The following MAGI1 variants were observed in gnomAD, a reference collection of about 807,000 sequenced individuals.
MAGI1 encodes membrane-associated guanylate kinase, WW and PDZ domain-containing protein 1.
A neutral mutation model predicts 139.9 loss-of-function variants in MAGI1; 58 were observed. The observed-to-expected ratio is 0.41, with a 90% CI of 0.34 to 0.52. The LOEUF is 0.52. Ranked by LOEUF, MAGI1 falls within the 20% of genes least tolerant of loss-of-function variation. The pLI is 0.12. For missense variants in MAGI1, 1,874 were observed against 1,901.6 expected (o/e 0.99, Z 0.27); for synonymous variants, 812 against 737.9 (o/e 1.10, Z -1.63).
At chr3:65,359,809 G>T in intron 22 of MAGI1, 1 of 985,648 alleles carries the variant, frequency 1.0e-6, no homozygotes, top group Middle Eastern at 5.2e-4. Context: ...TTCATCCTCA[G>T]TGCAACAGAC....
At chr3:66,033,386 C>T (rs1054655022) in intron 1 of MAGI1, among the ~76,000 whole-genome samples, 4 of 152,110 alleles carry the variant, frequency 2.6e-5, no homozygotes, top group Non-Finnish European at 4.4e-5. Flanking sequence ...AGCAAGTATA[C>T]GCGTCTCTTC....
chr3:65,723,320 C>A (rs1362129571), intron 1 of MAGI1, among the ~76,000 whole-genome samples: 1 of 152,134 alleles, frequency 6.6e-6, no homozygotes, highest in Non-Finnish European at 1.5e-5. Context: ...AAGAAAAGAG[C>A]TACATCACCA....
intron 1 of MAGI1, among the ~76,000 whole-genome samples, chr3:65,988,681 C>T (rs563211787): frequency 1.3e-3 from 199 of 152,216 alleles, no homozygotes; most frequent in African/African-American, 4.6e-3. Flanking sequence ...TAAGATGAGC[C>T]CAGCTGTCTC....
chr3:65,568,618 C>T (rs1461501178), intron 2 of MAGI1, among the ~76,000 whole-genome samples: 1 of 152,206 alleles, frequency 6.6e-6, no homozygotes, highest in Admixed American at 6.5e-5. Context: ...ATTCGTTCTA[C>T]ACCTGTTTAG....
At chr3:65,916,882 G>A (rs2061933869) in intron 1 of MAGI1, among the ~76,000 whole-genome samples, 1 of 152,074 alleles carries the variant, frequency 6.6e-6, no homozygotes, top group Admixed American at 6.6e-5. Context: ...AGTTGTCAGG[G>A]ATAAGTTCTA....
At chr3:65,618,298 T>C (rs941315980) in intron 2 of MAGI1, among the ~76,000 whole-genome samples, 6 of 152,110 alleles carry the variant, frequency 3.9e-5, no homozygotes, top group African/African-American at 1.4e-4. Context: ...TAGGCATGTT[T>C]ACAAGCATTG....
At chr3:65,861,568 A>C (rs1357251219) in intron 1 of MAGI1, among the ~76,000 whole-genome samples, 1 of 152,222 alleles carries the variant, frequency 6.6e-6, no homozygotes, top group Non-Finnish European at 1.5e-5. Context: ...AGAAGAGATT[A>C]TTATAAATAA....
intron 2 of MAGI1, among the ~76,000 whole-genome samples, chr3:65,549,892 C>A (rs545223948): frequency 6.6e-5 from 10 of 152,210 alleles, no homozygotes; most frequent in African/African-American, 2.4e-4. Flanking sequence ...CTGAACCTTT[C>A]ATTATCATCA....
chr3:65,945,710 T>C (rs143772054), intron 1 of MAGI1, among the ~76,000 whole-genome samples: 196 of 152,348 alleles, frequency 1.3e-3, no homozygotes, highest in Non-Finnish European at 2.4e-3. Flanking sequence ...GTATGTCATT[T>C]CTCTTTTCTT....
At chr3:66,031,688 T>TA (rs879848963) in intron 1 of MAGI1, among the ~76,000 whole-genome samples, 22 of 140,736 alleles carry the variant, frequency 1.6e-4, no homozygotes, top group South Asian at 2.3e-4. Context: ...AAGTTTAAGT[T>TA]AAAAAAAAAA....
At chr3:65,748,517 G>T (rs2035882660) in intron 1 of MAGI1, among the ~76,000 whole-genome samples, 1 of 152,184 alleles carries the variant, frequency 6.6e-6, no homozygotes, top group South Asian at 2.1e-4. Context: ...TCTATTCAAA[G>T]GATAAGAATT....
chr3:65,362,882 C>T (rs1022221930), intron 21 of MAGI1, among the ~76,000 whole-genome samples: 10 of 152,166 alleles, frequency 6.6e-5, no homozygotes, highest in Admixed American at 3.9e-4. Context: ...CAGATATTAG[C>T]GAAACAGAGC....
In MAGI1 at chr3:65,654,414, G is replaced by A. The variant is rs370254268; in HGVS notation, c.314-32326C>T. 7.2e-5 allele frequency among the ~76,000 whole-genome samples: 11 copies of A among 152,272 alleles called. No individual in the cohort carries two copies. In the South Asian group the frequency reaches 1.7e-3, roughly 23 times the overall value. On this transcript the variant is annotated intron_variant, in intron 1 of 22. Transcript: ENST00000402939. The stretch of plus-strand genomic sequence containing the variant: ...AGTTGAATATTAGTGCCTGTGTGCC[G>A]TTTTGTGGAATGGTGACCTATCATG...
At chr3:65,687,411 G>T in intron 1 of MAGI1, 1 of 358,446 alleles carries the variant, frequency 2.8e-6, no homozygotes, top group Admixed American at 3.4e-5. Flanking sequence ...TTCTATTTGT[G>T]TGAAATGGCC....
intron 2 of MAGI1, among the ~76,000 whole-genome samples, chr3:65,540,298 C>A (rs1344714920): frequency 1.3e-5 from 2 of 152,212 alleles, no homozygotes; most frequent in East Asian, 3.9e-4. Flanking sequence ...CCTTTATTCT[C>A]TATCCCCCTC....
chr3:65,996,113 T>A (rs115564916), intron 1 of MAGI1, among the ~76,000 whole-genome samples: 1,759 of 152,288 alleles, frequency 0.012, 33 homozygotes, highest in African/African-American at 0.035. Context: ...GACCCACCAT[T>A]CATTAGTTAG....
intron 2 of MAGI1, among the ~76,000 whole-genome samples, chr3:65,530,333 C>T (rs531490895): frequency 6.6e-6 from 1 of 152,016 alleles, no homozygotes; most frequent in Non-Finnish European, 1.5e-5. Context: ...ACAAACTCCT[C>T]CAGAACCATA....
chr3:65,811,021 G>A (rs920521525), intron 1 of MAGI1, among the ~76,000 whole-genome samples: 2 of 152,162 alleles, frequency 1.3e-5, no homozygotes, highest in Non-Finnish European at 2.9e-5. Context: ...TGAATGAATG[G>A]TCACACATGG....
chr3:65,962,464 T>G (rs960486743), intron 1 of MAGI1, among the ~76,000 whole-genome samples: 1 of 152,134 alleles, frequency 6.6e-6, no homozygotes, highest in Non-Finnish European at 1.5e-5. Context: ...CTCCAGGAAC[T>G]ACACACACAA....
Sources: gnomAD v4.1 joint callset for allele counts (sites outside exome capture counted in the v4.1 genomes callset) on GRCh38, gnomAD v4.1.1 for gene constraint, MANE v1.5 for transcripts, NCBI Gene and HGNC (gene_info 2026-07-23, HGNC 2026-07-21) for gene names.